Variants in DLG2 observed in about 807,000 individuals in gnomAD.
DLG2 encodes disks large homolog 2.
DLG2 carries 45 observed loss-of-function variants against 132.5 expected under a neutral mutation model. The observed-to-expected ratio is 0.34, with a 90% CI of 0.27 to 0.44. The LOEUF (loss-of-function observed/expected upper bound fraction) is 0.44. Among genes scored for constraint, DLG2 ranks in the 20% least tolerant of loss-of-function variants. The pLI is 1.00. For missense variants in DLG2, 1,045 were observed against 1,196.9 expected, an observed-to-expected ratio of 0.87 and a Z score of 1.87; for synonymous variants, 424 against 419.6, an observed-to-expected ratio of 1.01 and a Z score of -0.13.
rs1302831524 is a variant in DLG2 at position 83,458,792 on chromosome 11, T to A, written c.*1026A>T. The A allele has an allele frequency of 5.3e-5, 8 of 152,162 alleles. No individual in the cohort carries two copies. The highest frequency in any genetic ancestry group is 1.0e-4 in the Non-Finnish European group (7 of 68,016). 9.4% of individuals were successfully genotyped at this position (152,162 alleles called of 1,614,324 possible). On this transcript the variant is annotated 3_prime_UTR_variant, in exon 28 of 28. Coordinates refer to ENST00000376104, the MANE Select transcript of DLG2 (RefSeq NM_001142699.3). ...GTTTGTCTCTGAAAAGCCATCAGCA[T>A]AAAAAAATGCATTAACCAAATGTCT...
At chr11:85,566,710 G>T (rs2077548254) in intron 3 of DLG2, among the ~76,000 whole-genome samples, 1 of 152,120 alleles carries the variant, frequency 6.6e-6, no homozygotes. Context: ...TGGGGGTTAG[G>T]ATTTTAAAAT....
At position 84,959,769 on chromosome 11, in the gene DLG2, T is replaced by C. The variant is rs112407133; in HGVS notation, c.357+151892A>G. Among the ~76,000 whole-genome samples the C allele has an allele frequency of 4.3e-3, 652 of 152,300 alleles. 5 individuals carry two copies. Among genetic ancestry groups the C allele is most frequent in the African/African-American group, 0.015 (608 of 41,562 alleles). ...CAAAGGATCACAGAAAAGGTGAACT[T>C]GATTTACTTGTGAAAGAAAAGGTCA... On this transcript the variant is annotated intron_variant, in intron 6 of 27. Coordinates refer to ENST00000376104, the MANE Select transcript of DLG2 (RefSeq NM_001142699.3).
chr11:85,111,582 G>T, intron 6 of DLG2, 79 bp downstream of exon 6: 1 of 1,169,466 alleles, frequency 8.6e-7, no homozygotes, highest in Non-Finnish European at 1.2e-6. Flanking sequence ...AGAGCATTCT[G>T]GCTCATTCCA....
At chr11:83,681,756 G>C (rs2078856785) in intron 18 of DLG2, 1 of 152,226 alleles carries the variant, frequency 6.6e-6, no homozygotes, top group Admixed American at 6.5e-5. Context: ...CAGGCAAACA[G>C]TCTGTTTTAA....
chr11:85,015,968 T>C (rs956836070), intron 6 of DLG2, among the ~76,000 whole-genome samples: 4 of 152,070 alleles, frequency 2.6e-5, no homozygotes, highest in African/African-American at 9.7e-5. Flanking sequence ...CAACATAATG[T>C]CTACTACAAA....
intron 6 of DLG2, among the ~76,000 whole-genome samples, chr11:84,987,816 C>A (rs1438374994): frequency 6.6e-6 from 1 of 152,158 alleles, no homozygotes; most frequent in African/African-American, 2.4e-5. Context: ...TATAAAAATT[C>A]TCGATGATAA....
intron 11 of DLG2, among the ~76,000 whole-genome samples, chr11:84,019,881 C>T (rs972882721): frequency 4.6e-5 from 7 of 152,146 alleles, no homozygotes; most frequent in African/African-American, 1.7e-4. Context: ...CAGACTTGTA[C>T]CCTCCAGAAG....
chr11:85,057,763 CATAT>C (rs2063614408), intron 6 of DLG2, among the ~76,000 whole-genome samples: 1 of 151,260 alleles, frequency 6.6e-6, no homozygotes, highest in African/African-American at 2.4e-5. Flanking sequence ...AAAACAGCTA[CATAT>C]GAAAAGAATA....
chr11:84,106,067 G>A (rs951744499), intron 9 of DLG2, among the ~76,000 whole-genome samples: 5 of 151,954 alleles, frequency 3.3e-5, no homozygotes, highest in African/African-American at 9.7e-5. Flanking sequence ...ATAGGACAGC[G>A]AACAATATAA....
At chr11:83,901,424 C>T (rs754471148) in intron 15 of DLG2, among the ~76,000 whole-genome samples, 2 of 152,068 alleles carry the variant, frequency 1.3e-5, no homozygotes, top group African/African-American at 2.4e-5. Context: ...TGGGAGGGTC[C>T]CAGTGGAAGA....
At chr11:84,125,574 A>C (rs2094135642) in intron 9 of DLG2, among the ~76,000 whole-genome samples, 1 of 152,202 alleles carries the variant, frequency 6.6e-6, no homozygotes, top group Admixed American at 6.5e-5. Flanking sequence ...GGGTACTAGG[A>C]TCTCACAAGG....
chr11:85,180,794 C>G (rs958251050), intron 4 of DLG2, among the ~76,000 whole-genome samples: 3 of 151,760 alleles, frequency 2.0e-5, no homozygotes, highest in African/African-American at 7.2e-5. Flanking sequence ...GAGACTTGTC[C>G]AAGTTTACAT....
chr11:84,329,756 G>A (rs2098449925), intron 7 of DLG2, among the ~76,000 whole-genome samples: 1 of 152,148 alleles, frequency 6.6e-6, no homozygotes, highest in Non-Finnish European at 1.5e-5. Flanking sequence ...CATTTTCATT[G>A]TTGCATAAAT....
At chr11:85,490,007 G>A (rs117074120) in intron 3 of DLG2, among the ~76,000 whole-genome samples, 1,944 of 152,168 alleles carry the variant, frequency 0.013, 22 homozygotes, top group Non-Finnish European at 0.021. Flanking sequence ...GGACAACAAA[G>A]CAAGATCCTT....
chr11:84,433,320 C>G (rs185236871), intron 7 of DLG2, among the ~76,000 whole-genome samples: 9 of 152,074 alleles, frequency 5.9e-5, no homozygotes, highest in African/African-American at 1.7e-4. Flanking sequence ...TACTACGTAA[C>G]CAGAAATTGC....
chr11:84,840,716 T>G (rs552517021), intron 6 of DLG2, among the ~76,000 whole-genome samples: 1 of 152,034 alleles, frequency 6.6e-6, no homozygotes, highest in Non-Finnish European at 1.5e-5. Context: ...CTGGAAACCA[T>G]CATTCTGAGC....
intron 17 of DLG2, among the ~76,000 whole-genome samples, chr11:83,803,983 G>C (rs1463359828): frequency 6.6e-6 from 1 of 151,996 alleles, no homozygotes; most frequent in East Asian, 1.9e-4. Context: ...TTGTGTTTGG[G>C]CTTATGTGTA....
In DLG2 at chr11:83,458,970, T is replaced by G. The variant is rs980492015; in HGVS notation, c.*848A>C. The G allele has an allele frequency of 5.3e-5, 8 of 152,134 alleles. No homozygotes were observed. Among genetic ancestry groups the G allele is most frequent in the African/African-American group, 1.9e-4 (8 of 41,424 alleles). The allele number at this position is 152,134 out of a possible 1,614,324, so 9.4% of individuals were successfully genotyped here. A position where few individuals can be genotyped will look rare whatever the true frequency, so the allele number is the denominator to read the frequency against. On this transcript the variant is annotated 3_prime_UTR_variant, in exon 28 of 28. Coordinates refer to ENST00000376104, the MANE Select transcript of DLG2 (RefSeq NM_001142699.3). ...AGATCATTGGCAACAAAAGGGAGAG[T>G]GCAACTTTCAGGTCTTGAATTTGAT... is the stretch of plus-strand genomic sequence containing the variant.
chr11:83,998,027 C>T (rs192142436), intron 11 of DLG2, among the ~76,000 whole-genome samples: 501 of 151,706 alleles, frequency 3.3e-3, no homozygotes, highest in Non-Finnish European at 5.8e-3. Context: ...CCCAGCTACT[C>T]GGGAGGCTGA....
Sources: gnomAD v4.1 joint callset for allele counts (sites outside exome capture counted in the v4.1 genomes callset) on GRCh38, gnomAD v4.1.1 for gene constraint, MANE v1.5 for transcripts, NCBI Gene and HGNC (gene_info 2026-07-23, HGNC 2026-07-21) for gene names.